Variants in SGCZ observed in about 807,000 individuals in gnomAD.
The protein encoded by SGCZ is zeta-sarcoglycan.
Under a neutral mutation model 41.3 loss-of-function variants are expected in SGCZ, and 40 were observed. The ratio of observed to expected loss-of-function variants is 0.97; its 90% CI spans 0.75 to 1.26. The LOEUF is 1.26. SGCZ is among the 50% of genes most tolerant of loss of function. The pLI, the probability that SGCZ is intolerant of heterozygous loss-of-function variation, is 0.00. For synonymous variants in SGCZ, 206 were observed against 137.5 expected (o/e 1.50, Z -3.49); for missense variants, 552 against 369.8 (o/e 1.49, Z -4.04).
chr8:14,390,154 T>C (rs1009957279), intron 2 of SGCZ, among the ~76,000 whole-genome samples: 11 of 151,998 alleles, frequency 7.2e-5, no homozygotes, highest in African/African-American at 2.7e-4. Flanking sequence ...ACATAGAATT[T>C]GTAGCCATAA....
chr8:14,541,804 A>C (rs1227325475), intron 2 of SGCZ, among the ~76,000 whole-genome samples: 2 of 151,976 alleles, frequency 1.3e-5, no homozygotes, highest in East Asian at 3.9e-4. Flanking sequence ...TTGTTTCCTG[A>C]CTTTTTAATG....
At chr8:14,417,724 CTTG>C (rs972521638) in intron 2 of SGCZ, among the ~76,000 whole-genome samples, 2 of 151,706 alleles carry the variant, frequency 1.3e-5, no homozygotes, top group African/African-American at 4.8e-5. Context: ...AAGTTGAGAA[CTTG>C]TTTTACACAA....
intron 1 of SGCZ, among the ~76,000 whole-genome samples, chr8:14,986,420 C>A (rs1337549397): frequency 6.6e-6 from 1 of 152,048 alleles, no homozygotes; most frequent in African/African-American, 2.4e-5. Context: ...AGCATTTTCA[C>A]CATTGACTGG....
chr8:15,038,762 C>T (rs1472295500), intron 1 of SGCZ, among the ~76,000 whole-genome samples: 3 of 119,460 alleles, frequency 2.5e-5, no homozygotes, highest in Non-Finnish European at 5.0e-5. Context: ...AATGCTTAAG[C>T]AAGAAAATAA....
intron 2 of SGCZ, among the ~76,000 whole-genome samples, chr8:14,384,760 G>A (rs751771650): frequency 3.9e-5 from 6 of 152,118 alleles, no homozygotes; most frequent in South Asian, 2.1e-4. Flanking sequence ...CATGTTGGCC[G>A]GGCTGGTCTT....
chr8:14,610,273 C>T (rs1175535747), intron 1 of SGCZ, among the ~76,000 whole-genome samples: 1 of 152,136 alleles, frequency 6.6e-6, no homozygotes, highest in Non-Finnish European at 1.5e-5. Flanking sequence ...GAGTCTCCCC[C>T]TTTTCTCCCT....
intron 1 of SGCZ, among the ~76,000 whole-genome samples, chr8:14,794,883 C>T (rs141584119): frequency 2.6e-5 from 4 of 152,234 alleles, no homozygotes; most frequent in Non-Finnish European, 5.9e-5. Context: ...TCAAGAAATG[C>T]CTTTAAAAAA....
chr8:14,170,713 A>C (rs190545546), intron 4 of SGCZ, among the ~76,000 whole-genome samples: 20 of 152,246 alleles, frequency 1.3e-4, no homozygotes, highest in Admixed American at 1.2e-3. Flanking sequence ...AGCTAGAACA[A>C]AGTTGACGGG....
chr8:14,687,023 A>G (rs1808632204), intron 1 of SGCZ, among the ~76,000 whole-genome samples: 1 of 151,778 alleles, frequency 6.6e-6, no homozygotes, highest in South Asian at 2.1e-4. Flanking sequence ...AGCCAAGCCA[A>G]ATAAACAAAA....
chr8:14,593,436 G>C (rs1483628334), intron 1 of SGCZ, among the ~76,000 whole-genome samples: 2 of 152,130 alleles, frequency 1.3e-5, no homozygotes, highest in Non-Finnish European at 2.9e-5. Flanking sequence ...AACGGTAACA[G>C]AATAGATCTG....
chr8:14,527,205 T>G (rs1345163122), intron 2 of SGCZ, among the ~76,000 whole-genome samples: 1 of 152,214 alleles, frequency 6.6e-6, no homozygotes, highest in Admixed American at 6.5e-5. Flanking sequence ...ATGTTTAATA[T>G]GAAACAAGCT....
At chr8:14,161,713 G>C (rs968166946) in intron 5 of SGCZ, among the ~76,000 whole-genome samples, 3 of 152,078 alleles carry the variant, frequency 2.0e-5, no homozygotes, top group Non-Finnish European at 4.4e-5. Flanking sequence ...TTCTAATTAA[G>C]TAGGGGTGTC....
intron 2 of SGCZ, among the ~76,000 whole-genome samples, chr8:14,455,360 G>C (rs1475661859): frequency 6.6e-6 from 1 of 151,790 alleles, no homozygotes; most frequent in Non-Finnish European, 1.5e-5. Flanking sequence ...AATTTAAACT[G>C]TCCTAGTTGG....
chr8:14,121,067 G>T (rs1802681725), intron 5 of SGCZ, among the ~76,000 whole-genome samples: 1 of 152,124 alleles, frequency 6.6e-6, no homozygotes, highest in Admixed American at 6.5e-5. Context: ...CAATGTGACT[G>T]TGAAATAGAG....
chr8:14,507,610 T>G (rs1802341981), intron 2 of SGCZ, among the ~76,000 whole-genome samples: 1 of 152,200 alleles, frequency 6.6e-6, no homozygotes, highest in African/African-American at 2.4e-5. Flanking sequence ...ACTGGTATTT[T>G]TATACCTGGA....
At chr8:14,401,431 TC>T (rs555067514) in intron 2 of SGCZ, among the ~76,000 whole-genome samples, 2,522 of 88,500 alleles carry the variant, frequency 0.028, 138 homozygotes, top group African/African-American at 0.11. Context: ...AAGCTATCCC[TC>T]CCCCCTCCCC....
At chr8:14,626,677 T>A (rs190078627) in intron 1 of SGCZ, among the ~76,000 whole-genome samples, 1 of 152,178 alleles carries the variant, frequency 6.6e-6, no homozygotes, top group East Asian at 1.9e-4. Context: ...CATGAAAAGA[T>A]TGGAGCTTAT....
chr8:15,181,420 T>C (rs575369770), intron 1 of SGCZ, among the ~76,000 whole-genome samples: 4 of 152,152 alleles, frequency 2.6e-5, no homozygotes, highest in African/African-American at 9.6e-5. Flanking sequence ...CCAAATAAAA[T>C]AGCATGTGTT....
chr8:14,720,339 C>CT (rs1343026253), intron 1 of SGCZ, among the ~76,000 whole-genome samples: 1 of 152,016 alleles, frequency 6.6e-6, no homozygotes, highest in African/African-American at 2.4e-5. Flanking sequence ...GTAGCTATCA[C>CT]TAACTGTAAA....
Sources: gnomAD v4.1 joint callset for allele counts (sites outside exome capture counted in the v4.1 genomes callset) on GRCh38, gnomAD v4.1.1 for gene constraint, MANE v1.5 for transcripts, NCBI Gene and HGNC (gene_info 2026-07-23, HGNC 2026-07-21) for gene names.